XRCC6: variants seen among roughly 807,000 people sequenced by gnomAD.
The protein encoded by XRCC6 is DNA repair protein Ku70.
A neutral mutation model predicts 65.7 loss-of-function variants in XRCC6; 5 were observed. The observed-to-expected ratio is 0.08, with a 90% CI of 0.04 to 0.16. XRCC6 has a LOEUF of 0.16. Ranked by LOEUF, XRCC6 falls within the 10% of genes least tolerant of loss-of-function variation. The pLI, the probability that XRCC6 is intolerant of heterozygous loss-of-function variation, is 1.00. For synonymous variants in XRCC6, 270 were observed against 270.6 expected, an observed-to-expected ratio of 1.00 and a Z score of 0.02; for missense variants, 447 against 738.1, an observed-to-expected ratio of 0.61 and a Z score of 4.57.
intron 2 of XRCC6, among the ~76,000 whole-genome samples, chr22:41,626,627 G>GTTTT (rs1569078554): frequency 2.3e-5 from 3 of 130,720 alleles, no homozygotes; most frequent in Admixed American, 7.6e-5. Context: ...GCTAATGTTT[G>GTTTT]TTTGTTTTTT....
At chr22:41,635,470 A>G (rs1003772108) in intron 3 of XRCC6, among the ~76,000 whole-genome samples, 14 of 152,016 alleles carry the variant, frequency 9.2e-5, no homozygotes, top group Admixed American at 5.9e-4. Context: ...GTAGGACTCA[A>G]CTCCAGGTTT....
At chr22:41,624,580 C>T (rs2147062411) in intron 2 of XRCC6, among the ~76,000 whole-genome samples, 2 of 146,704 alleles carry the variant, frequency 1.4e-5, no homozygotes, top group African/African-American at 2.5e-5. Flanking sequence ...CCCAGCTACT[C>T]TGGAGGCTGA....
intron 11 of XRCC6, among the ~76,000 whole-genome samples, chr22:41,659,977 C>T (rs1056377901): frequency 6.6e-6 from 1 of 152,212 alleles, no homozygotes; most frequent in African/African-American, 2.4e-5. Context: ...AGAGCCACTG[C>T]ACCCAGCTTC....
At chr22:41,654,906 TCA>T (rs1424112942) in intron 9 of XRCC6, among the ~76,000 whole-genome samples, 5 of 152,246 alleles carry the variant, frequency 3.3e-5, no homozygotes, top group African/African-American at 1.2e-4. Context: ...TTCTGCAGTT[TCA>T]GTTACCCATA....
intron 3 of XRCC6, among the ~76,000 whole-genome samples, chr22:41,633,117 ACT>A (rs1056054649): frequency 2.6e-5 from 4 of 151,980 alleles, no homozygotes; most frequent in African/African-American, 9.7e-5. Context: ...ATAGAGCCAG[ACT>A]CTGTCTCAAA....
chr22:41,640,092 C>T (rs1329876070), intron 6 of XRCC6, among the ~76,000 whole-genome samples: 3 of 151,870 alleles, frequency 2.0e-5, no homozygotes, highest in Non-Finnish European at 4.4e-5. Flanking sequence ...TACAATGGCA[C>T]CACAGCCTAC....
At chr22:41,625,807 T>A (rs2067663533) in intron 2 of XRCC6, among the ~76,000 whole-genome samples, 1 of 152,224 alleles carries the variant, frequency 6.6e-6, no homozygotes, top group South Asian at 2.1e-4. Flanking sequence ...CCAGCCTGTG[T>A]GAGAGAACAA....
At chr22:41,650,356 C>A (rs1406069845) in intron 7 of XRCC6, among the ~76,000 whole-genome samples, 1 of 152,096 alleles carries the variant, frequency 6.6e-6, no homozygotes, top group African/African-American at 2.4e-5. Context: ...CTTGCCTCAG[C>A]TCTCAAAGTG....
intron 12 of XRCC6, 21 bp downstream of exon 12, chr22:41,661,465 A>G (rs527642432): frequency 3.5e-5 from 56 of 1,601,442 alleles, no homozygotes; most frequent in Non-Finnish European, 4.4e-5. Flanking sequence ...GAATGTGGAC[A>G]TGTGGGCTAT....
intron 6 of XRCC6, among the ~76,000 whole-genome samples, chr22:41,639,329 CTTTTT>C (rs386395480): frequency 0.058 from 3,763 of 64,542 alleles, 64 homozygotes; most frequent in Middle Eastern, 0.12. Flanking sequence ...GATTCTTTTT[CTTTTT>C]TTTTTTTTTT....
chr22:41,661,304 C>G (rs200757271), intron 11 of XRCC6, 27 bp from the exon 12 acceptor site: 2 of 1,598,320 alleles, frequency 1.3e-6, no homozygotes, highest in South Asian at 1.1e-5. Context: ...ACTCACCAGG[C>G]CACTCTTCTG....
At chr22:41,624,726 G>C (rs566224994) in intron 2 of XRCC6, among the ~76,000 whole-genome samples, 1 of 150,872 alleles carries the variant, frequency 6.6e-6, no homozygotes, top group African/African-American at 2.4e-5. Flanking sequence ...GGCCGGGCGC[G>C]GTGGCTCACA....
chr22:41,656,385 G>A (rs1273583249), intron 9 of XRCC6, among the ~76,000 whole-genome samples: 1 of 151,822 alleles, frequency 6.6e-6, no homozygotes, highest in Non-Finnish European at 1.5e-5. Context: ...GCCGGGCGTG[G>A]TGGCGCCTGT....
chr22:41,631,312 A>G (rs1166604857), intron 3 of XRCC6, among the ~76,000 whole-genome samples: 1 of 144,404 alleles, frequency 6.9e-6, no homozygotes, highest in African/African-American at 2.6e-5. Context: ...CTGGGCGGAG[A>G]GGCTCCTCAC....
intron 1 of XRCC6, chr22:41,621,726 C>A (rs991901501): frequency 2.2e-6 from 1 of 464,382 alleles, no homozygotes; most frequent in African/African-American, 2.0e-5. Context: ...TAAATGGCGT[C>A]GGGGGCGGGA....
intron 12 of XRCC6, among the ~76,000 whole-genome samples, chr22:41,663,388 A>G (rs1017434702): frequency 6.6e-6 from 1 of 152,192 alleles, no homozygotes; most frequent in Non-Finnish European, 1.5e-5. Flanking sequence ...GTTTTGGGTA[A>G]ACTGATGGCA....
chr22:41,621,896 A>C (rs2067611059), intron 1 of XRCC6, 94 bp from the exon 2 acceptor site: 1 of 1,267,032 alleles, frequency 7.9e-7, no homozygotes, highest in African/African-American at 1.5e-5. Flanking sequence ...CTCACTACTA[A>C]CCAAGCTTTT....
intron 6 of XRCC6, among the ~76,000 whole-genome samples, chr22:41,645,267 C>T (rs192921515): frequency 6.6e-6 from 1 of 150,888 alleles, no homozygotes; most frequent in East Asian, 2.0e-4. Context: ...CCATTGCACT[C>T]CAGCCTGGGC....
chr22:41,622,507 C>T (rs2067620113), intron 2 of XRCC6, among the ~76,000 whole-genome samples: 1 of 152,114 alleles, frequency 6.6e-6, no homozygotes, highest in African/African-American at 2.4e-5. Context: ...TTGATTCCCT[C>T]ACTATAGCCT....
Sources: allele counts gnomAD v4.1 joint callset (sites outside exome capture counted in the v4.1 genomes callset), GRCh38; gene constraint gnomAD v4.1.1; transcripts MANE v1.5; gene names NCBI Gene and HGNC (gene_info 2026-07-23, HGNC 2026-07-21).